The following SDK2 variants were observed in gnomAD, a reference collection of about 807,000 sequenced individuals.
The protein encoded by SDK2 is sidekick cell adhesion molecule 2, also known as protein sidekick-2.
In SDK2, 105 loss-of-function variants were observed where a neutral mutation model predicts 253.9. The ratio of observed to expected loss-of-function variants is 0.41; its 90% CI spans 0.35 to 0.49. SDK2 has a LOEUF of 0.49. Among genes scored for constraint, SDK2 ranks in the 20% least tolerant of loss-of-function variants. SDK2 has a pLI of 0.06. For missense variants in SDK2, 2,608 were observed against 3,003.0 expected (o/e 0.87, Z 3.07); for synonymous variants, 1,249 against 1,234.9 (o/e 1.01, Z -0.24).
intron 1 of SDK2, among the ~76,000 whole-genome samples, chr17:73,588,587 C>T (rs192918973): frequency 6.6e-6 from 1 of 151,718 alleles, no homozygotes. Flanking sequence ...AACTTTGCCC[C>T]CCAGGGGACA....
chr17:73,608,974 C>T (rs1292293369), intron 1 of SDK2, among the ~76,000 whole-genome samples: 3 of 152,146 alleles, frequency 2.0e-5, no homozygotes, highest in South Asian at 2.1e-4. Flanking sequence ...AAATATCTTC[C>T]GTTAATCAGA....
rs1032411568 is a variant in SDK2 at position 73,455,921 on chromosome 17, G to A, written c.464C>T (p.Pro155Leu). ...VTWFRDGRKI[P>L]PSSRIAITLE... ...ATGCACTCACATGCGGCTGCTGGGC[G>A]GGATCTTGCGGCCGTCCCGGAACCA... is the stretch of plus-strand genomic sequence containing the variant. Residue 155 changes from proline (P) to leucine (L), a missense_variant, in exon 4 of 45, where the codon CCG becomes CTG. Coordinates refer to ENST00000392650, the MANE Select transcript of SDK2 (RefSeq NM_001144952.2). This position sits in a 1 kb window ranked among gnomAD's most constrained non-coding sequence, Gnocchi z 5.0. 29 of 1,543,966 alleles carry A rather than the reference G, an allele frequency of 1.9e-5. No individual in the cohort carries two copies. Among genetic ancestry groups the A allele is most frequent in the South Asian group, 1.4e-4 (12 of 83,914 alleles).
At position 73,368,443 on chromosome 17, in the gene SDK2, G is replaced by A. The variant is rs781109587; in HGVS notation, c.5131C>T (p.Arg1711Trp). Residue 1711 changes from arginine (R) to tryptophan (W), a missense_variant, in exon 37 of 45, where the codon CGG (arginine) becomes TGG (tryptophan). Coordinates refer to ENST00000392650, the MANE Select transcript of SDK2 (RefSeq NM_001144952.2). Reference protein sequence around the residue: ...AAFNAAGDGPRSTPTQGQTQQ... With the variant: ...AAFNAAGDGPWSTPTQGQTQQ... ...GTCTGGCCTTGGGTGGGGGTGCTCC[G>A]AGGCCCATCCCCAGCGGCGTTGAAG... 1.3e-5 allele frequency: 21 copies of A among 1,599,154 alleles called. No individual in the cohort carries two copies. The highest frequency in any genetic ancestry group is 1.7e-5 in the Admixed American group (1 of 58,830).
chr17:73,398,420 C>A lies in SDK2; in HGVS notation c.3103G>T (p.Val1035Phe). 6.2e-7 allele frequency: 1 copy of A among 1,613,734 alleles called. No homozygotes were observed. The change falls in exon 23 of 45, where the codon GTT becomes TTT. Residue 1035 changes from valine to phenylalanine, a missense_variant. Physicochemically the swap from Val to Phe is conservative, Grantham distance 50. Around this residue, in one of 2 missense-constraint regions of SDK2, gnomAD observed 1,505 missense variants for 1,859.1 expected, o/e 0.81. Transcript: ENST00000392650. Reference sequence around the variant, plus strand: ...AGCAACCACTCCTCTCCCTCCCCAACCACGCCTACCTGGAAAAGGGCAGGA... The same window carrying A: ...AGCAACCACTCCTCTCCCTCCCCAAACACGCCTACCTGGAAAAGGGCAGGA... ...RWLVEAQVGVVGEGEEWLLIH... is the reference protein window; with the variant it reads ...RWLVEAQVGVFGEGEEWLLIH...
At chr17:73,484,504 G>A (rs1451822616) in intron 2 of SDK2, among the ~76,000 whole-genome samples, 3 of 152,202 alleles carry the variant, frequency 2.0e-5, no homozygotes, top group Non-Finnish European at 4.4e-5. Context: ...TCCCTGATGC[G>A]AGAGGCCCTA....
chr17:73,437,060 G>C (rs1315595283), intron 8 of SDK2, among the ~76,000 whole-genome samples: 3 of 152,116 alleles, frequency 2.0e-5, no homozygotes, highest in Non-Finnish European at 4.4e-5. Context: ...TGAATGGATG[G>C]ATCTTTGCCT....
At chr17:73,489,966 C>A (rs2063794710) in intron 2 of SDK2, among the ~76,000 whole-genome samples, 2 of 152,200 alleles carry the variant, frequency 1.3e-5, no homozygotes, top group Non-Finnish European at 2.9e-5. Context: ...ACAAAGGGCA[C>A]AGAGTTTTCT....
chr17:73,407,919 A>G (rs1018665394), intron 18 of SDK2, among the ~76,000 whole-genome samples: 9 of 152,282 alleles, frequency 5.9e-5, no homozygotes, highest in African/African-American at 2.2e-4. Context: ...CTATCCCCAT[A>G]TTATAACCCT....
At chr17:73,596,734 C>G (rs1319343620) in intron 1 of SDK2, among the ~76,000 whole-genome samples, 1 of 152,186 alleles carries the variant, frequency 6.6e-6, no homozygotes, top group East Asian at 1.9e-4. Context: ...CCGACCCTCC[C>G]AGCTCCACTC....
At chr17:73,430,715 A>C in intron 11 of SDK2, 102 bp from the exon 12 acceptor site, 2 of 709,620 alleles carry the variant, frequency 2.8e-6, no homozygotes, top group Non-Finnish European at 4.4e-6. Flanking sequence ...GGTTAAAAAG[A>C]ACAATGAGCT....
In SDK2 at chr17:73,590,193, G is replaced by A. The variant is rs75538248; in HGVS notation, c.64+53832C>T. Among the ~76,000 whole-genome samples, 364 of 152,338 alleles carry A rather than the reference G, an allele frequency of 2.4e-3. 5 individuals carry two copies. The South Asian group carries it at 0.034, about 14-fold the overall frequency. ...ACATTTAGCAAGACGAGAATTGGACGGCTGTCTGCAGGGTGGATGGAAAGG... is the reference window on the plus strand; with the variant it reads ...ACATTTAGCAAGACGAGAATTGGACAGCTGTCTGCAGGGTGGATGGAAAGG... On this transcript the variant is annotated intron_variant, in intron 1 of 44. Transcript: ENST00000392650.
chr17:73,633,022 C>G (rs765786656), intron 1 of SDK2, among the ~76,000 whole-genome samples: 2 of 152,114 alleles, frequency 1.3e-5, no homozygotes, highest in Non-Finnish European at 2.9e-5. Context: ...GTGGCTCACA[C>G]CTGAAACCAC....
chr17:73,434,577 G>T (rs1171800209), intron 9 of SDK2, among the ~76,000 whole-genome samples: 1 of 152,204 alleles, frequency 6.6e-6, no homozygotes, highest in Non-Finnish European at 1.5e-5. Context: ...TCTTCCTGAG[G>T]AGCCCACCAG....
At chr17:73,554,825 G>A (rs1599674533) in intron 1 of SDK2, among the ~76,000 whole-genome samples, 1 of 152,348 alleles carries the variant, frequency 6.6e-6, no homozygotes, top group South Asian at 2.1e-4. Context: ...ATCCTTTGTA[G>A]AGTATTGATT....
At chr17:73,408,047 C>G (rs56218656) in intron 18 of SDK2, among the ~76,000 whole-genome samples, 1 of 66,240 alleles carries the variant, frequency 1.5e-5, no homozygotes, top group Non-Finnish European at 3.3e-5. Context: ...AAAATATTTC[C>G]TTTTTTTTTT....
intron 44 of SDK2, among the ~76,000 whole-genome samples, chr17:73,342,949 C>A (rs1211143525): frequency 1.3e-5 from 2 of 152,166 alleles, no homozygotes; most frequent in Non-Finnish European, 2.9e-5. Flanking sequence ...CTCAAAGCTC[C>A]CCTGGGAGGG....
chr17:73,498,667 C>T (rs1019321815), intron 2 of SDK2, among the ~76,000 whole-genome samples: 2 of 152,156 alleles, frequency 1.3e-5, no homozygotes, highest in African/African-American at 4.8e-5. Flanking sequence ...TGTATCAAGA[C>T]GCCTCTCCTT....
intron 6 of SDK2, among the ~76,000 whole-genome samples, chr17:73,439,149 C>A (rs2063395007): frequency 6.6e-6 from 1 of 152,128 alleles, no homozygotes; most frequent in African/African-American, 2.4e-5. Flanking sequence ...GCTCCTCCTC[C>A]CCTCTCTCTT....
chr17:73,545,769 G>A (rs1461232883), intron 1 of SDK2, among the ~76,000 whole-genome samples: 1 of 152,168 alleles, frequency 6.6e-6, no homozygotes, highest in Admixed American at 6.5e-5. Context: ...AGGCTGCCCT[G>A]GGATGCCCCG....
Sources: allele counts gnomAD v4.1 joint callset (sites outside exome capture counted in the v4.1 genomes callset), GRCh38; gene constraint gnomAD v4.1.1; regional missense constraint gnomAD v4.1.1; non-coding constraint Gnocchi (gnomAD v3.1); transcripts MANE v1.5; gene names NCBI Gene and HGNC (gene_info 2026-07-23, HGNC 2026-07-21).